DEPTOR: variants seen among roughly 807,000 people sequenced by gnomAD.
The protein encoded by DEPTOR is DEP domain containing MTOR interacting protein.
Under a neutral mutation model 41.6 loss-of-function variants are expected in DEPTOR, and 41 were observed. The ratio of observed to expected loss-of-function variants is 0.98; its 90% CI spans 0.77 to 1.28. The LOEUF (loss-of-function observed/expected upper bound fraction) is 1.28, where lower values mean the gene tolerates loss of function less well. DEPTOR is among the 50% of genes most tolerant of loss of function. The pLI is 0.00. For synonymous variants in DEPTOR, 195 were observed against 192.3 expected, an observed-to-expected ratio of 1.01 and a Z score of -0.12; for missense variants, 514 against 527.9, an observed-to-expected ratio of 0.97 and a Z score of 0.26.
intron 8 of DEPTOR, among the ~76,000 whole-genome samples, chr8:120,012,378 T>A (rs773692185): frequency 1.4e-4 from 21 of 152,216 alleles, no homozygotes; most frequent in Non-Finnish European, 2.8e-4. Context: ...ATAAACACTG[T>A]ACAGCATGTT....
At chr8:119,880,786 A>G (rs1433485953) in intron 1 of DEPTOR, among the ~76,000 whole-genome samples, 2 of 152,252 alleles carry the variant, frequency 1.3e-5, no homozygotes, top group Admixed American at 1.3e-4. Flanking sequence ...TAATGGGAAG[A>G]TAAATTGCAG....
chr8:119,995,588 C>CAA (rs773251025), intron 4 of DEPTOR, among the ~76,000 whole-genome samples: 5 of 92,422 alleles, frequency 5.4e-5, no homozygotes, highest in Non-Finnish European at 1.1e-4. Flanking sequence ...TCCTCTGTCT[C>CAA]AAAAAAAAAA....
chr8:120,044,379 C>G (rs1415497564), intron 8 of DEPTOR, among the ~76,000 whole-genome samples: 1 of 152,148 alleles, frequency 6.6e-6, no homozygotes, highest in East Asian at 1.9e-4. Flanking sequence ...CCAGCCTTGG[C>G]TTCCCAAAGT....
intron 1 of DEPTOR, among the ~76,000 whole-genome samples, chr8:119,907,350 T>G (rs1827676714): frequency 6.6e-6 from 1 of 152,216 alleles, no homozygotes; most frequent in Non-Finnish European, 1.5e-5. Flanking sequence ...AAAAAATATT[T>G]TCTTCCCAGA....
At chr8:119,996,154 A>G (rs1259532600) in intron 4 of DEPTOR, among the ~76,000 whole-genome samples, 1 of 152,208 alleles carries the variant, frequency 6.6e-6, no homozygotes, top group Non-Finnish European at 1.5e-5. Context: ...CCTTCATTTC[A>G]GGGAGGGTGG....
intron 3 of DEPTOR, among the ~76,000 whole-genome samples, chr8:119,937,921 G>C (rs904209893): frequency 3.3e-5 from 5 of 152,164 alleles, no homozygotes; most frequent in African/African-American, 1.2e-4. Context: ...CTTGCCCTCT[G>C]TCTGAGATAA....
intron 1 of DEPTOR, among the ~76,000 whole-genome samples, chr8:119,889,099 T>C (rs1827413224): frequency 6.6e-6 from 1 of 152,062 alleles, no homozygotes; most frequent in South Asian, 2.1e-4. Flanking sequence ...ATTCAATAGA[T>C]ATAAAAACTG....
At chr8:119,977,985 A>G (rs1828717755) in intron 4 of DEPTOR, among the ~76,000 whole-genome samples, 1 of 152,126 alleles carries the variant, frequency 6.6e-6, no homozygotes, top group Non-Finnish European at 1.5e-5. Flanking sequence ...AAACAGTGTC[A>G]TACCTATGAA....
Position 119,988,967 on chromosome 8 carries a change from T to TC in DEPTOR, c.605-12558_605-12557insC, listed in dbSNP as rs1563583804. 3.5e-5 allele frequency among the ~76,000 whole-genome samples: 5 copies of TC among 143,442 alleles called. No individual in the cohort carries two copies. The East Asian group carries it at 6.8e-4, about 19-fold the overall frequency. The allele number at this position is 143,442 out of a possible 152,430, so 94.1% of individuals were successfully genotyped here. ...ATATCCTTTTTTTTTTCTTTTTTTT[T>TC]TTTTTTTTTTTTTAATAGAGATGGG... On this transcript the variant is annotated intron_variant, in intron 4 of 8. Transcript: ENST00000286234.
At position 119,928,512 on chromosome 8, in the gene DEPTOR, G is replaced by A. The variant is rs1232487657; in HGVS notation, c.235G>A (p.Ala79Thr). Residue 79 changes from alanine (A) to threonine (T), a missense_variant, in exon 2 of 9, where the codon GCT becomes ACT. Transcript: ENST00000286234. ...LIDWLIEHKE[A>T]SDRETAIKLM... ...TGACTGGCTGATTGAACACAAAGAG[G>A]CTTCTGACAGAGAGACGGCAATTAA... The A allele has an allele frequency of 2.5e-6, 4 of 1,614,174 alleles. No homozygotes were observed. Among genetic ancestry groups the A allele is most frequent in the Admixed American group, 3.3e-5 (2 of 60,024 alleles).
intron 6 of DEPTOR, 101 bp from the exon 7 acceptor site, chr8:120,006,704 T>G: frequency 9.8e-7 from 1 of 1,016,996 alleles, no homozygotes; most frequent in Non-Finnish European, 1.5e-6. Context: ...TGCCACTTTT[T>G]CTCACTGATG....
At chr8:120,038,962 C>T (rs970193324) in intron 8 of DEPTOR, among the ~76,000 whole-genome samples, 2 of 152,334 alleles carry the variant, frequency 1.3e-5, no homozygotes, top group South Asian at 2.1e-4. Flanking sequence ...GCTATTATAG[C>T]ACTGCCCATG....
intron 4 of DEPTOR, among the ~76,000 whole-genome samples, chr8:119,982,485 A>G (rs1354093279): frequency 1.3e-5 from 2 of 152,226 alleles, no homozygotes; most frequent in African/African-American, 2.4e-5. Flanking sequence ...GCAACAAATA[A>G]CAGAAAGTGC....
intron 1 of DEPTOR, among the ~76,000 whole-genome samples, chr8:119,901,786 T>C (rs530840940): frequency 6.6e-6 from 1 of 152,188 alleles, no homozygotes; most frequent in African/African-American, 2.4e-5. Context: ...ACACAGGTCA[T>C]ACTGTTAGCC....
Position 119,873,726 on chromosome 8 carries a change from A to G in DEPTOR, c.-121A>G. 2 of 1,395,166 alleles carry G rather than the reference A, an allele frequency of 1.4e-6. No homozygotes were observed. Among genetic ancestry groups the G allele is most frequent in the Non-Finnish European group, 1.9e-6 (2 of 1,044,620 alleles). The allele number at this position is 1,395,166 out of a possible 1,614,324, so 86.4% of individuals were successfully genotyped here. ...GATTCCCTCTCCAGCCAATCCAGTC[A>G]GAGCAGCGGAGCTGCCCCGAACAAA... On this transcript the variant is annotated 5_prime_UTR_variant, in exon 1 of 9. Transcript: ENST00000286234.
chr8:120,024,287 A>T (rs1198674915), intron 8 of DEPTOR, among the ~76,000 whole-genome samples: 2 of 152,140 alleles, frequency 1.3e-5, no homozygotes, highest in Non-Finnish European at 1.5e-5. Context: ...AGTGGCACAC[A>T]TGACTTCTTT....
intron 3 of DEPTOR, among the ~76,000 whole-genome samples, chr8:119,964,372 G>A (rs1452928042): frequency 1.3e-5 from 2 of 152,052 alleles, no homozygotes; most frequent in East Asian, 1.9e-4. Context: ...AAAATTAGCC[G>A]GGTGTAGTGG....
chr8:119,900,380 C>CTTTTTTTTTTTTTTTTTGTTTTTTTTTTT (rs1827574283), intron 1 of DEPTOR, among the ~76,000 whole-genome samples: 1 of 43,908 alleles, frequency 2.3e-5, no homozygotes, highest in Non-Finnish European at 3.5e-5. Flanking sequence ...CACCCCTCAC[C>CTTTTTTTTTTTTTTTTTGTTTTTTTTTTT]TTTTTTTTTT....
At chr8:119,955,459 AT>A (rs1219797270) in intron 3 of DEPTOR, among the ~76,000 whole-genome samples, 1 of 150,564 alleles carries the variant, frequency 6.6e-6, no homozygotes, top group South Asian at 2.1e-4. Flanking sequence ...TTTTGACATA[AT>A]TTTTTTCCTT....
Sources: allele counts gnomAD v4.1 joint callset (sites outside exome capture counted in the v4.1 genomes callset), GRCh38; gene constraint gnomAD v4.1.1; transcripts MANE v1.5; gene names NCBI Gene and HGNC (gene_info 2026-07-23, HGNC 2026-07-21).